Variants in LRRC4C observed in about 807,000 individuals in gnomAD.
The protein encoded by LRRC4C is leucine rich repeat containing 4C, also known as leucine-rich repeat-containing protein 4C.
A neutral mutation model predicts 33.6 loss-of-function variants in LRRC4C; 5 were observed. That is an observed-to-expected ratio of 0.15 (90% confidence interval 0.08 to 0.31). LRRC4C has a LOEUF of 0.31. Among genes scored for constraint, LRRC4C ranks in the 10% least tolerant of loss-of-function variants. The pLI, the probability that LRRC4C is intolerant of heterozygous loss-of-function variation, is 1.00. For synonymous variants in LRRC4C, 329 were observed against 302.0 expected (o/e 1.09, Z -0.93); for missense variants, 560 against 796.7 (o/e 0.70, Z 3.58).
At chr11:40,316,358 AACCTGAC>A (rs1745343095) in intron 4 of LRRC4C, among the ~76,000 whole-genome samples, 1 of 152,038 alleles carries the variant, frequency 6.6e-6, no homozygotes, top group Non-Finnish European at 1.5e-5. Context: ...ATGAATCAGA[AACCTGAC>A]AAGGCTGTTT....
At chr11:41,067,447 G>C (rs1565352124) in intron 1 of LRRC4C, among the ~76,000 whole-genome samples, 1 of 152,164 alleles carries the variant, frequency 6.6e-6, no homozygotes, top group Non-Finnish European at 1.5e-5. Context: ...AAGAGACTTA[G>C]ACTCCCACAC....
intron 1 of LRRC4C, among the ~76,000 whole-genome samples, chr11:41,090,080 A>T (rs930350612): frequency 1.3e-5 from 2 of 152,122 alleles, no homozygotes; most frequent in South Asian, 2.1e-4. Flanking sequence ...ATTTAGGGAA[A>T]GGAATAGTAT....
chr11:40,794,744 G>A (rs1950758266), intron 2 of LRRC4C, among the ~76,000 whole-genome samples: 1 of 152,148 alleles, frequency 6.6e-6, no homozygotes, highest in South Asian at 2.1e-4. Flanking sequence ...AAGAATATGA[G>A]TAGGACTCAT....
chr11:40,132,867 A>G (rs539008602), intron 6 of LRRC4C, among the ~76,000 whole-genome samples: 1 of 152,256 alleles, frequency 6.6e-6, no homozygotes, highest in South Asian at 2.1e-4. Context: ...TTTGAAAAAT[A>G]TAGGGGAGAG....
intron 2 of LRRC4C, among the ~76,000 whole-genome samples, chr11:40,915,369 C>T (rs1371819650): frequency 6.6e-6 from 1 of 152,106 alleles, no homozygotes; most frequent in Non-Finnish European, 1.5e-5. Context: ...TGGAAAAGAA[C>T]AGAGCCCTCA....
chr11:41,235,314 TC>T (rs1947972204), intron 1 of LRRC4C, among the ~76,000 whole-genome samples: 1 of 141,166 alleles, frequency 7.1e-6, no homozygotes, highest in South Asian at 2.2e-4. Flanking sequence ...TACTCTCACT[TC>T]TATACTCATT....
At chr11:40,390,640 A>G (rs1949297816) in intron 3 of LRRC4C, among the ~76,000 whole-genome samples, 1 of 152,156 alleles carries the variant, frequency 6.6e-6, no homozygotes, top group African/African-American at 2.4e-5. Context: ...ATATAAGCTT[A>G]ACAGTGGAAT....
intron 3 of LRRC4C, among the ~76,000 whole-genome samples, chr11:40,340,095 T>C (rs1450182400): frequency 6.6e-6 from 1 of 152,174 alleles, no homozygotes; most frequent in Non-Finnish European, 1.5e-5. Flanking sequence ...TGCTCTAGTG[T>C]ATTCTAATTT....
At chr11:40,969,401 C>T (rs532253237) in intron 1 of LRRC4C, among the ~76,000 whole-genome samples, 1 of 148,868 alleles carries the variant, frequency 6.7e-6, no homozygotes, top group South Asian at 2.1e-4. Context: ...GTTGATAAAG[C>T]ATCAGAAGGG....
intron 1 of LRRC4C, among the ~76,000 whole-genome samples, chr11:41,084,479 T>C (rs1339945150): frequency 6.6e-6 from 1 of 152,204 alleles, no homozygotes; most frequent in Non-Finnish European, 1.5e-5. Flanking sequence ...TGACTGATAT[T>C]ATTACTTCCT....
chr11:40,115,896 C>A lies in LRRC4C; in HGVS notation c.397G>T (p.Asp133Tyr). The A allele has an allele frequency of 6.2e-7, 1 of 1,614,098 alleles. No homozygotes were observed. The highest frequency in any genetic ancestry group is 1.1e-5 in the South Asian group (1 of 91,070). Residue 133 changes from aspartate to tyrosine, a missense_variant, in exon 7 of 7, where the codon GAC (aspartate) becomes TAC (tyrosine). By Grantham distance (160) the Asp-to-Tyr change is radical. Transcript: ENST00000528697. This position sits in a 1 kb window ranked among gnomAD's most constrained non-coding sequence, Gnocchi z 6.7. ...TTCGGGATGGTAGTAAGACGATTGT[C>A]AAAGAGTTCCAGAGTGTTGAGGTTC... ...LANLNTLELF[D>Y]NRLTTIPNGA...
At chr11:40,898,443 C>T (rs1389230529) in intron 2 of LRRC4C, among the ~76,000 whole-genome samples, 1 of 149,972 alleles carries the variant, frequency 6.7e-6, no homozygotes, top group Non-Finnish European at 1.5e-5. Context: ...TGTTGAAGAC[C>T]AGTTGTGCCT....
intron 1 of LRRC4C, among the ~76,000 whole-genome samples, chr11:41,345,829 C>T (rs1951785929): frequency 6.6e-6 from 1 of 152,050 alleles, no homozygotes; most frequent in Admixed American, 6.6e-5. Context: ...AAGCTAGCTT[C>T]CTGATGAATT....
In LRRC4C at chr11:40,972,539, C is replaced by T. The variant is rs533130848; in HGVS notation, c.-495-38816G>A. 3.9e-5 allele frequency among the ~76,000 whole-genome samples: 6 copies of T among 152,110 alleles called. No homozygotes were observed. In the South Asian group the frequency reaches 1.2e-3, roughly 32 times the overall value. On this transcript the variant is annotated intron_variant, in intron 1 of 6. Coordinates refer to ENST00000528697, the MANE Select transcript of LRRC4C (RefSeq NM_001258419.2). The stretch of plus-strand genomic sequence containing the variant: ...TCTCATACTACTATAAAGAACTGTC[C>T]CAGACAGGGTAGTTTATAAAGGAAA...
At chr11:40,280,317 A>G (rs1590896352) in intron 4 of LRRC4C, among the ~76,000 whole-genome samples, 2 of 152,312 alleles carry the variant, frequency 1.3e-5, no homozygotes, top group East Asian at 3.9e-4. Context: ...TTGGACCTGA[A>G]GTGATGGCGC....
At chr11:40,283,654 T>C (rs1565227714) in intron 4 of LRRC4C, among the ~76,000 whole-genome samples, 1 of 150,942 alleles carries the variant, frequency 6.6e-6, no homozygotes. Flanking sequence ...GTTAGTTAGA[T>C]GTGGGAGATG....
intron 3 of LRRC4C, among the ~76,000 whole-genome samples, chr11:40,401,125 C>T (rs1474452925): frequency 6.6e-6 from 1 of 151,796 alleles, no homozygotes; most frequent in Non-Finnish European, 1.5e-5. Context: ...TGCACTAGCA[C>T]AGAAAGCAGC....
At chr11:40,491,690 AT>A (rs1014618482) in intron 3 of LRRC4C, among the ~76,000 whole-genome samples, 1 of 152,166 alleles carries the variant, frequency 6.6e-6, no homozygotes, top group African/African-American at 2.4e-5. Flanking sequence ...AACTCATCAG[AT>A]TAGGTCAAGT....
chr11:41,286,459 C>A (rs1949831592), intron 1 of LRRC4C, among the ~76,000 whole-genome samples: 1 of 151,974 alleles, frequency 6.6e-6, no homozygotes, highest in African/African-American at 2.4e-5. Context: ...CACAGAGAAC[C>A]AAGGAGAAGG....
Sources: gnomAD v4.1 joint callset for allele counts (sites outside exome capture counted in the v4.1 genomes callset) on GRCh38, gnomAD v4.1.1 for gene constraint, Gnocchi (gnomAD v3.1) non-coding constraint, MANE v1.5 for transcripts, NCBI Gene and HGNC (gene_info 2026-07-23, HGNC 2026-07-21) for gene names.